Variants in AKT1 observed in about 807,000 individuals in gnomAD.
AKT1 encodes the protein RAC-alpha serine/threonine-protein kinase.
A neutral mutation model predicts 63.1 loss-of-function variants in AKT1; 21 were observed. The observed-to-expected ratio is 0.33, with a 90% CI of 0.24 to 0.48. AKT1 has a LOEUF of 0.48. Ranked by LOEUF, AKT1 falls within the 20% of genes least tolerant of loss-of-function variation. The pLI, the probability that AKT1 is intolerant of heterozygous loss-of-function variation, is 0.99. For missense variants in AKT1, 382 were observed against 666.0 expected (o/e 0.57, Z 4.69); for synonymous variants, 257 against 253.1 (o/e 1.02, Z -0.15).
At chr14:104,794,857 C>T (rs1283060146) in intron 1 of AKT1, among the ~76,000 whole-genome samples, 1 of 152,262 alleles carries the variant, frequency 6.6e-6, no homozygotes, top group Admixed American at 6.5e-5. Context: ...CCAGGATACT[C>T]AATCTAAGGG....
At chr14:104,784,755 C>T (rs1340336688) in intron 3 of AKT1, among the ~76,000 whole-genome samples, 1 of 152,112 alleles carries the variant, frequency 6.6e-6, no homozygotes, top group Non-Finnish European at 1.5e-5. Flanking sequence ...GTGGGTCAGG[C>T]CCCCCAAAGC....
chr14:104,775,482 G>T, intron 6 of AKT1, 170 bp downstream of exon 6: 1 of 1,108,926 alleles, frequency 9.0e-7, no homozygotes, highest in Non-Finnish European at 1.3e-6. Flanking sequence ...CTGACATGGG[G>T]AAGAGGACCC....
At position 104,780,029 on chromosome 14, in the gene AKT1, A is replaced by C. The variant is rs565826888; in HGVS notation, c.175+59T>G. ...ACCCCCATCGTGGGGCCTGGTGGGC[A>C]AAGAGGGCTCCAGCCAACCCCCCAA... On this transcript the variant is annotated intron_variant, in intron 4 of 14. Coordinates refer to ENST00000649815, the MANE Select transcript of AKT1 (RefSeq NM_001382430.1). 3.0e-4 allele frequency: 472 copies of C among 1,589,924 alleles called. 3 individuals carry two copies. In the South Asian group the frequency reaches 5.1e-3, roughly 17 times the overall value.
rs113072464 is a variant in AKT1, at chr14:104,772,362, C to T, written c.1260+3G>A. 6.2e-7 allele frequency: 1 copy of T among 1,613,824 alleles called. No homozygotes were observed. The highest frequency in any genetic ancestry group is 1.1e-5 in the South Asian group (1 of 91,080). On this transcript the variant is annotated splice_donor_region_variant and intron_variant, in intron 13 of 14. Transcript: ENST00000649815. Reference sequence around the variant, plus strand: ...CGCGTGAATATGCGGGGAGCAGCCGCACCTTCTTCTCGTACACGTGCTGCC... The same window carrying T: ...CGCGTGAATATGCGGGGAGCAGCCGTACCTTCTTCTCGTACACGTGCTGCC...
chr14:104,775,262 C>T (rs1892636205), intron 6 of AKT1, 55 bp from the exon 7 acceptor site: 10 of 1,605,636 alleles, frequency 6.2e-6, no homozygotes, highest in East Asian at 2.2e-5. Flanking sequence ...CCCAGCTGGT[C>T]GGCATGCGTG....
At chr14:104,783,385 CT>C (rs1439385617) in intron 3 of AKT1, among the ~76,000 whole-genome samples, 2 of 152,098 alleles carry the variant, frequency 1.3e-5, no homozygotes, top group African/African-American at 4.8e-5. Context: ...CCCTGCATTG[CT>C]GGGGGAACTG....
chr14:104,777,920 G>C (rs556669635), intron 4 of AKT1: 2 of 155,222 alleles, frequency 1.3e-5, no homozygotes, highest in African/African-American at 4.8e-5. Flanking sequence ...CCTCCCACTC[G>C]CTCCTGGATG....
At position 104,776,309 on chromosome 14, in the gene AKT1, G is replaced by T. The variant is rs1428154590; in HGVS notation, c.287+350C>A. ...TTACAGGTGTGCACCACCACACCCA[G>T]CTAAGTTTTATATTTTTAGTAGAGA... On this transcript the variant is annotated intron_variant, in intron 5 of 14. Coordinates refer to ENST00000649815, the MANE Select transcript of AKT1 (RefSeq NM_001382430.1). 9.0e-6 allele frequency: 2 copies of T among 222,540 alleles called. 1 individual carries two copies. The highest frequency in any genetic ancestry group is 1.5e-4 in the South Asian group (2 of 13,792). The allele number at this position is 222,540 out of a possible 1,614,324, so 13.8% of individuals were successfully genotyped here. A position where few individuals can be genotyped will look rare whatever the true frequency, so the allele number is the denominator to read the frequency against.
chr14:104,788,163 C>T (rs1272287296), intron 3 of AKT1, among the ~76,000 whole-genome samples: 2 of 152,212 alleles, frequency 1.3e-5, no homozygotes, highest in African/African-American at 2.4e-5. Context: ...GAGCTTGGCA[C>T]TAACCAGCCC....
At chr14:104,773,867 G>C in intron 9 of AKT1, 45 bp downstream of exon 9, 1 of 1,550,196 alleles carries the variant, frequency 6.5e-7, no homozygotes. Context: ...CACCATGGGC[G>C]GCCCACAGGC....
At chr14:104,790,604 C>A (rs747039191) in intron 3 of AKT1, among the ~76,000 whole-genome samples, 1 of 152,210 alleles carries the variant, frequency 6.6e-6, no homozygotes, top group African/African-American at 2.4e-5. Flanking sequence ...GTGGACGCCA[C>A]CTGCTCTCGG....
At chr14:104,789,476 C>T (rs916096878) in intron 3 of AKT1, among the ~76,000 whole-genome samples, 2 of 152,232 alleles carry the variant, frequency 1.3e-5, no homozygotes, top group African/African-American at 2.4e-5. Context: ...AAGAGCCACA[C>T]AGCCTCTGGC....
At chr14:104,776,358 G>A (rs540622574) in intron 5 of AKT1, 94 of 278,996 alleles carry the variant, frequency 3.4e-4, no homozygotes, top group East Asian at 7.3e-5. Context: ...ATGTTGGCAG[G>A]CTAGTCTCAA....
chr14:104,779,345 A>T (rs924304097), intron 4 of AKT1, among the ~76,000 whole-genome samples: 10 of 152,212 alleles, frequency 6.6e-5, no homozygotes, highest in African/African-American at 2.4e-4. Flanking sequence ...TGGGGTCTGG[A>T]GGCTGAGAGC....
At chr14:104,789,013 C>T (rs535110814) in intron 3 of AKT1, among the ~76,000 whole-genome samples, 7 of 152,326 alleles carry the variant, frequency 4.6e-5, no homozygotes, top group African/African-American at 7.2e-5. Flanking sequence ...GAGCGTCTGC[C>T]GCGTAACCCA....
intron 3 of AKT1, among the ~76,000 whole-genome samples, chr14:104,788,755 G>A (rs754284539): frequency 1.8e-4 from 27 of 152,196 alleles, no homozygotes; most frequent in Non-Finnish European, 3.7e-4. Flanking sequence ...CCTGCTTGGG[G>A]TCAGAGACCA....
chr14:104,774,713 G>T, intron 8 of AKT1: 1 of 584,388 alleles, frequency 1.7e-6, no homozygotes, highest in Non-Finnish European at 3.0e-6. Context: ...AGGGCCACCT[G>T]CCCCACCCAC....
chr14:104,775,097 C>T lies in AKT1; in HGVS notation c.546G>A (p.Lys182=), dbSNP rs1197062948. The T allele has an allele frequency of 6.2e-7, 1 of 1,614,070 alleles. No individual in the cohort carries two copies. The highest frequency in any genetic ancestry group is 8.5e-7 in the Non-Finnish European group (1 of 1,180,040). ...TGRYYAMKIL[K]KEVIVAKDEV... is the part of the protein sequence containing the mutation. ...CCACCTTGGCCACGATGACTTCCTTCTTGAGGATCTTCATGGCGTAGTAGC... is the reference window on the plus strand; with the variant it reads ...CCACCTTGGCCACGATGACTTCCTTTTTGAGGATCTTCATGGCGTAGTAGC... The change falls in exon 7 of 15, where the codon AAG becomes AAA. Residue 182 remains lysine (K), a synonymous_variant. Coordinates refer to ENST00000649815, the MANE Select transcript of AKT1 (RefSeq NM_001382430.1).
At chr14:104,788,763 C>A (rs573613806) in intron 3 of AKT1, among the ~76,000 whole-genome samples, 87 of 152,282 alleles carry the variant, frequency 5.7e-4, no homozygotes, top group African/African-American at 1.6e-3. Context: ...GGGTCAGAGA[C>A]CAGCCTCCAT....
Sources: allele counts gnomAD v4.1 joint callset (sites outside exome capture counted in the v4.1 genomes callset), GRCh38; gene constraint gnomAD v4.1.1; transcripts MANE v1.5; gene names NCBI Gene and HGNC (gene_info 2026-07-23, HGNC 2026-07-21).